PCDHGA5: variants seen among roughly 807,000 people sequenced by gnomAD.
The protein encoded by PCDHGA5 is protocadherin gamma-A5.
Under a neutral mutation model 56.7 loss-of-function variants are expected in PCDHGA5, and 36 were observed. That is an observed-to-expected ratio of 0.64 (90% CI 0.49 to 0.84). PCDHGA5 has a LOEUF of 0.84. Ranked by LOEUF, PCDHGA5 falls within the 40% of genes least tolerant of loss-of-function variation. PCDHGA5 has a pLI of 0.00. For missense variants in PCDHGA5, 1,305 were observed against 1,201.5 expected, an observed-to-expected ratio of 1.09 and a Z score of -1.27; for synonymous variants, 563 against 520.2, an observed-to-expected ratio of 1.08 and a Z score of -1.12.
At position 141,490,448 on chromosome 5, in the gene PCDHGA5, A is replaced by C. The variant is rs1309104827; in HGVS notation, c.2422-4359A>C. 1 of 1,614,206 alleles carries C rather than the reference A, an allele frequency of 6.2e-7. No homozygotes were observed. Among genetic ancestry groups the C allele is most frequent in the Admixed American group, 1.7e-5 (1 of 60,030 alleles). ...TTTCAGATTAAGCCTTCTGAGAACC[A>C]CTACTCGCTGCTAACCAGCCAGCCT... is the stretch of plus-strand genomic sequence containing the variant. On this transcript the variant is annotated intron_variant, in intron 1 of 3. Coordinates refer to ENST00000518069, the MANE Select transcript of PCDHGA5 (RefSeq NM_018918.3). This position sits in a 1 kb window ranked among gnomAD's most constrained non-coding sequence, Gnocchi z 5.4.
intron 1 of PCDHGA5, chr5:141,378,618 ATGAC>A (rs1399279904): frequency 2.6e-5 from 4 of 152,254 alleles, no homozygotes; most frequent in African/African-American, 7.2e-5. Context: ...CTAAAAATAG[ATGAC>A]TGACTGGTGA....
At chr5:141,455,789 G>A (rs966897617) in intron 1 of PCDHGA5, among the ~76,000 whole-genome samples, 56 of 152,058 alleles carry the variant, frequency 3.7e-4, no homozygotes, top group African/African-American at 1.3e-3. Context: ...AACTTTTCCG[G>A]AGATGCTTTA....
intron 1 of PCDHGA5, chr5:141,399,667 C>T (rs752195462): frequency 1.2e-6 from 2 of 1,613,634 alleles, no homozygotes; most frequent in Non-Finnish European, 8.5e-7. Context: ...GTTCGCGCAG[C>T]GCGCCTTTGA....
In PCDHGA5 at chr5:141,510,915, A is replaced by G; in HGVS notation, c.2570-32A>G. 8 of 1,613,786 alleles carry G rather than the reference A, an allele frequency of 5.0e-6. No individual in the cohort carries two copies. The South Asian group carries it at 8.8e-5, about 18-fold the overall frequency. ...AGTGACTGTTGAGGACCCTAAGTTT[A>G]GCTCCCACCTGATCTTCCTCTGTCT... On this transcript the variant is annotated intron_variant, in intron 3 of 3. Coordinates refer to ENST00000518069, the MANE Select transcript of PCDHGA5 (RefSeq NM_018918.3).
intron 1 of PCDHGA5, chr5:141,390,425 G>A (rs908766072): frequency 9.6e-7 from 1 of 1,042,070 alleles, no homozygotes. Flanking sequence ...TTAAAAAGCT[G>A]TCATATCATT....
At chr5:141,388,439 A>G (rs1209677690) in intron 1 of PCDHGA5, 10 of 1,613,896 alleles carry the variant, frequency 6.2e-6, no homozygotes, top group Non-Finnish European at 8.5e-6. Context: ...ATAAAGAGAA[A>G]TCAGATGGCA....
chr5:141,381,826 C>CTTTTTTTTTTTTTTTTTTTTTTTTTTTT (rs770630741), intron 1 of PCDHGA5, among the ~76,000 whole-genome samples: 17 of 74,292 alleles, frequency 2.3e-4, no homozygotes, highest in Non-Finnish European at 3.3e-4. Context: ...CTTTCTTCTT[C>CTTTTTTTTTTTTTTTTTTTTTTTTTTTT]TTTTTTTTTT....
chr5:141,490,903 C>G lies in PCDHGA5; in HGVS notation c.2422-3904C>G. 6.2e-7 allele frequency: 1 copy of G among 1,613,764 alleles called. No homozygotes were observed. The highest frequency in any genetic ancestry group is 1.7e-5 in the Admixed American group (1 of 60,022). On this transcript the variant is annotated intron_variant, in intron 1 of 3. Coordinates refer to ENST00000518069, the MANE Select transcript of PCDHGA5 (RefSeq NM_018918.3). This position sits in a 1 kb window ranked among gnomAD's most constrained non-coding sequence, Gnocchi z 5.4. ...CAACACATCTCTGCATGTGTTTGTC[C>G]TAGACGAGAATGATAATGCCCCAGC... is the stretch of plus-strand genomic sequence containing the variant.
In PCDHGA5 at chr5:141,366,727, A is replaced by G; in HGVS notation, c.2397A>G (p.Ala799=). 1.2e-6 allele frequency: 2 copies of G among 1,613,036 alleles called. No homozygotes were observed. The highest frequency in any genetic ancestry group is 1.7e-6 in the Non-Finnish European group (2 of 1,179,114). Residue 799 remains alanine, a synonymous_variant, in exon 1 of 4, where the codon GCA becomes GCG. Transcript: ENST00000518069. ...EPLLMSDKVD[A]NKEERRVQQA... ...TTCTGATGTCTGATAAGGTAGATGC[A>G]AACAAAGAAGAACGGCGAGTTCAGG...
Position 141,421,056 on chromosome 5 carries a change from A to G in PCDHGA5, c.2421+54305A>G, listed in dbSNP as rs1378326708. On this transcript the variant is annotated intron_variant, in intron 1 of 3. Coordinates refer to ENST00000518069, the MANE Select transcript of PCDHGA5 (RefSeq NM_018918.3). ...TCCCTCCCTCCCCCGCCTCTACCACACAAAGCGGAATGAGATGGATACTCA... is the reference window on the plus strand; with the variant it reads ...TCCCTCCCTCCCCCGCCTCTACCACGCAAAGCGGAATGAGATGGATACTCA... 5 of 576,490 alleles carry G rather than the reference A, an allele frequency of 8.7e-6. No individual in the cohort carries two copies. In the East Asian group the frequency reaches 9.2e-5, roughly 11 times the overall value. The allele number at this position is 576,490 out of a possible 1,614,324, so 35.7% of individuals were successfully genotyped here. A position where few individuals can be genotyped will look rare whatever the true frequency, so the allele number is the denominator to read the frequency against.
At chr5:141,418,000 G>A (rs758811293) in intron 1 of PCDHGA5, 6 of 1,613,902 alleles carry the variant, frequency 3.7e-6, no homozygotes, top group Admixed American at 1.7e-5. Context: ...GCTCGGTGGT[G>A]GGGAACCTCG....
At chr5:141,498,967 GGGAGGGAAGGAAGGAAGGAA>G (rs1464205074) in intron 2 of PCDHGA5, among the ~76,000 whole-genome samples, 5 of 129,584 alleles carry the variant, frequency 3.9e-5, no homozygotes, top group African/African-American at 1.6e-4. Flanking sequence ...GAGGGAGGGA[GGGAGGGAAGGAAGGAAGGAA>G]GGAAGGAAGG....
intron 3 of PCDHGA5, among the ~76,000 whole-genome samples, chr5:141,506,189 G>A (rs529165145): frequency 3.6e-4 from 55 of 152,262 alleles, no homozygotes; most frequent in African/African-American, 1.1e-3. Flanking sequence ...GGTGGCTCAC[G>A]CCTGTAATCC....
Position 141,485,863 on chromosome 5 carries a change from A to G in PCDHGA5, c.2422-8944A>G, listed in dbSNP as rs770864367. 78 of 1,614,054 alleles carry G rather than the reference A, an allele frequency of 4.8e-5. No individual in the cohort carries two copies. Among genetic ancestry groups the G allele is most frequent in the Non-Finnish European group, 6.0e-5 (71 of 1,180,040 alleles). ...GATCTGGCACCGCAGAGCTCCGGGT[A>G]TCCGTGCTGGACGTAAACGACAACG... On this transcript the variant is annotated intron_variant, in intron 1 of 3. Coordinates refer to ENST00000518069, the MANE Select transcript of PCDHGA5 (RefSeq NM_018918.3). The surrounding 1 kb of genome is among the most constrained non-coding windows in gnomAD (Gnocchi z 5.7).
At chr5:141,478,287 G>C (rs777542913) in intron 1 of PCDHGA5, 1 of 1,614,154 alleles carries the variant, frequency 6.2e-7, no homozygotes, top group South Asian at 1.1e-5. Context: ...AAGCAGTCTA[G>C]AGACCTATAC....
chr5:141,441,927 G>A (rs2098285195), intron 1 of PCDHGA5: 2 of 354,242 alleles, frequency 5.6e-6, no homozygotes, highest in Non-Finnish European at 1.1e-5. Flanking sequence ...ACAATGCGTG[G>A]CTGTCCTACC....
intron 1 of PCDHGA5, among the ~76,000 whole-genome samples, chr5:141,456,640 TG>T (rs1258175023): frequency 6.6e-6 from 1 of 152,130 alleles, no homozygotes; most frequent in Non-Finnish European, 1.5e-5. Flanking sequence ...TTACTACAGG[TG>T]TTAATCCCAA....
chr5:141,511,215 A>G lies in PCDHGA5; in HGVS notation c.*42A>G, dbSNP rs1562250541. On this transcript the variant is annotated 3_prime_UTR_variant, in exon 4 of 4. Coordinates refer to ENST00000518069, the MANE Select transcript of PCDHGA5 (RefSeq NM_018918.3). ...AGAGCCACAGGGCGGCCTCTCCCCA[A>G]CCAGCCCAGCTTCTCCTTACCTGCA... The G allele has an allele frequency of 1.2e-6, 2 of 1,608,380 alleles. No individual in the cohort carries two copies. The highest frequency in any genetic ancestry group is 2.2e-5 in the East Asian group (1 of 44,560).
intron 1 of PCDHGA5, chr5:141,372,953 CTTTG>C: frequency 6.7e-6 from 5 of 745,132 alleles, no homozygotes; most frequent in South Asian, 2.1e-5. Context: ...CTAGGAAATT[CTTTG>C]TAGAATTTCC....
Sources: gnomAD v4.1 joint callset for allele counts (sites outside exome capture counted in the v4.1 genomes callset) on GRCh38, gnomAD v4.1.1 for gene constraint, Gnocchi (gnomAD v3.1) non-coding constraint, MANE v1.5 for transcripts, NCBI Gene and HGNC (gene_info 2026-07-23, HGNC 2026-07-21) for gene names.